SKAP1: variants seen among roughly 807,000 people sequenced by gnomAD.
SKAP1 encodes src kinase associated phosphoprotein 1.
A neutral mutation model predicts 58.5 loss-of-function variants in SKAP1; 44 were observed. The observed-to-expected ratio is 0.75, with a 90% CI of 0.59 to 0.97. The LOEUF (loss-of-function observed/expected upper bound fraction) is 0.97, where lower values mean the gene tolerates loss of function less well. Among genes scored for constraint, SKAP1 ranks in the 50% least tolerant of loss-of-function variants. SKAP1 has a pLI of 0.00. For missense variants in SKAP1, 390 were observed against 435.2 expected (o/e 0.90, Z 0.92); for synonymous variants, 127 against 149.7 (o/e 0.85, Z 1.11).
intron 11 of SKAP1, among the ~76,000 whole-genome samples, chr17:48,161,570 A>T (rs1001942275): frequency 2.6e-5 from 4 of 152,156 alleles, no homozygotes; most frequent in South Asian, 2.1e-4. Context: ...TCCTTTTTTT[A>T]AAAAACCAGT....
At chr17:48,202,353 T>C (rs1402118087) in intron 4 of SKAP1, among the ~76,000 whole-genome samples, 2 of 152,138 alleles carry the variant, frequency 1.3e-5, no homozygotes, top group African/African-American at 4.8e-5. Flanking sequence ...AAAGCAGTGA[T>C]CTTAGCAATG....
At chr17:48,341,875 T>G (rs1157035086) in intron 4 of SKAP1, among the ~76,000 whole-genome samples, 2 of 152,196 alleles carry the variant, frequency 1.3e-5, no homozygotes, top group Non-Finnish European at 1.5e-5. Context: ...CGTAAACATA[T>G]ATAACAAATA....
At chr17:48,264,541 A>G (rs1190484600) in intron 4 of SKAP1, among the ~76,000 whole-genome samples, 1 of 152,182 alleles carries the variant, frequency 6.6e-6, no homozygotes, top group Non-Finnish European at 1.5e-5. Flanking sequence ...CTTTCAGACA[A>G]CCTATTAATC....
At chr17:48,197,680 AAAAC>A (rs1014030866) in intron 4 of SKAP1, among the ~76,000 whole-genome samples, 5 of 152,212 alleles carry the variant, frequency 3.3e-5, no homozygotes, top group African/African-American at 1.2e-4. Context: ...CTCAAAACAA[AAAAC>A]AAACAAACAA....
intron 10 of SKAP1, among the ~76,000 whole-genome samples, chr17:48,166,639 A>C (rs2064144456): frequency 6.6e-6 from 1 of 152,186 alleles, no homozygotes; most frequent in Non-Finnish European, 1.5e-5. Context: ...TGATTACTAA[A>C]ATGATCGTGT....
At chr17:48,346,062 G>GAGGCATCCTTATAAAAGT in intron 3 of SKAP1, 56 bp from the exon 4 acceptor site, 1 of 1,043,530 alleles carries the variant, frequency 9.6e-7, no homozygotes. Flanking sequence ...CTTATAAAAG[G>GAGGCATCCTTATAAAAGT]ATACATCCTT....
chr17:48,189,263 C>A (rs1027233041), intron 5 of SKAP1, among the ~76,000 whole-genome samples, 160 bp downstream of exon 5: 1 of 152,206 alleles, frequency 6.6e-6, no homozygotes. Flanking sequence ...TTAGCCTACA[C>A]GAAAACACCA....
At chr17:48,182,589 A>T in intron 7 of SKAP1, 132 bp from the exon 8 acceptor site, 1 of 636,816 alleles carries the variant, frequency 1.6e-6, no homozygotes, top group Non-Finnish European at 2.7e-6. Flanking sequence ...TGCCTGCTTA[A>T]CATATAGAAA....
intron 1 of SKAP1, among the ~76,000 whole-genome samples, chr17:48,398,822 C>A (rs916072279): frequency 1.3e-5 from 2 of 152,160 alleles, no homozygotes; most frequent in African/African-American, 4.8e-5. Flanking sequence ...GAGATTGAGA[C>A]CATCCTGGCC....
At chr17:48,211,259 C>T (rs2064869265) in intron 4 of SKAP1, among the ~76,000 whole-genome samples, 1 of 152,044 alleles carries the variant, frequency 6.6e-6, no homozygotes, top group Non-Finnish European at 1.5e-5. Flanking sequence ...CTGGGCAGCA[C>T]AGTGAGACCC....
At chr17:48,309,910 TGAGGCTTGG>T (rs996929955) in intron 4 of SKAP1, among the ~76,000 whole-genome samples, 3 of 152,192 alleles carry the variant, frequency 2.0e-5, no homozygotes, top group African/African-American at 7.2e-5. Flanking sequence ...GCACCTTTAA[TGAGGCTTGG>T]AATAAGGGAA....
At chr17:48,190,422 AT>A (rs2064525683) in intron 4 of SKAP1, among the ~76,000 whole-genome samples, 1 of 152,096 alleles carries the variant, frequency 6.6e-6, no homozygotes, top group Non-Finnish European at 1.5e-5. Context: ...AAACTTAAGA[AT>A]TTTTTTGTGG....
intron 11 of SKAP1, among the ~76,000 whole-genome samples, chr17:48,157,968 A>C (rs1217145403): frequency 3.3e-5 from 5 of 150,368 alleles, no homozygotes; most frequent in African/African-American, 1.2e-4. Context: ...ACCTGAGGTC[A>C]GGAGTTCGAG....
At chr17:48,272,197 G>C (rs947280295) in intron 4 of SKAP1, among the ~76,000 whole-genome samples, 1 of 151,054 alleles carries the variant, frequency 6.6e-6, no homozygotes, top group Non-Finnish European at 1.5e-5. Flanking sequence ...GCAGTGGTGC[G>C]ATCTCAGCTC....
intron 1 of SKAP1, among the ~76,000 whole-genome samples, chr17:48,411,230 T>C (rs2067661164): frequency 2.0e-5 from 3 of 151,698 alleles, no homozygotes; most frequent in African/African-American, 7.3e-5. Context: ...CGAAACCCCA[T>C]CTCTACCAAA....
intron 11 of SKAP1, among the ~76,000 whole-genome samples, chr17:48,158,439 G>C (rs1285167851): frequency 6.7e-6 from 1 of 149,028 alleles, no homozygotes; most frequent in Non-Finnish European, 1.5e-5. Context: ...ATGGTGGCGG[G>C]TGCCTGTAGT....
intron 1 of SKAP1, among the ~76,000 whole-genome samples, chr17:48,423,571 C>G (rs912928808): frequency 2.0e-5 from 3 of 151,984 alleles, no homozygotes; most frequent in Non-Finnish European, 4.4e-5. Flanking sequence ...GCTAGCACAA[C>G]TGAGGAACCA....
intron 1 of SKAP1, among the ~76,000 whole-genome samples, chr17:48,403,537 A>G (rs1371603211): frequency 6.6e-6 from 1 of 152,080 alleles, no homozygotes; most frequent in Admixed American, 6.6e-5. Flanking sequence ...TCTCTCAAGC[A>G]CCCAGAGAGA....
intron 4 of SKAP1, among the ~76,000 whole-genome samples, chr17:48,261,850 T>C (rs1352303540): frequency 7.1e-6 from 1 of 140,132 alleles, no homozygotes; most frequent in Non-Finnish European, 1.5e-5. Context: ...AATGAAAGAA[T>C]ATTGAAAAAG....
Sources: gnomAD v4.1 joint callset for allele counts (sites outside exome capture counted in the v4.1 genomes callset) on GRCh38, gnomAD v4.1.1 for gene constraint, MANE v1.5 for transcripts, NCBI Gene and HGNC (gene_info 2026-07-23, HGNC 2026-07-21) for gene names.